The following ZSCAN25 variants were observed in gnomAD, a reference collection of about 807,000 sequenced individuals.
The protein encoded by ZSCAN25 is zinc finger and SCAN domain-containing protein 25.
ZSCAN25 carries 27 observed loss-of-function variants against 38.7 expected under a neutral mutation model. The observed-to-expected ratio is 0.70, with a 90% CI of 0.51 to 0.96. The LOEUF (loss-of-function observed/expected upper bound fraction) is 0.96, where lower values mean the gene tolerates loss of function less well. Among genes scored for constraint, ZSCAN25 ranks in the 40% least tolerant of loss-of-function variants. The pLI is 0.00. For synonymous variants in ZSCAN25, 273 were observed against 277.7 expected (o/e 0.98, Z 0.17); for missense variants, 637 against 705.9 (o/e 0.90, Z 1.11).
the ZSCAN25 span, among the ~76,000 whole-genome samples, chr7:99,684,685 G>A: frequency 6.6e-6 from 1 of 152,164 alleles, no homozygotes; most frequent in South Asian, 2.1e-4. Flanking sequence ...TGATACTTTT[G>A]TAAGAGGTTT....
Position 99,619,896 on chromosome 7 carries a change from A to G in ZSCAN25, c.290A>G (p.Glu97Gly). Residue 97 changes from glutamate to glycine, a missense_variant, in exon 4 of 8, where the codon GAG becomes GGG. Transcript: ENST00000394152. Reference sequence around the variant, plus strand: ...CAGTTCCTCACTATCCTGCCCCGCGAGTTCTACGCCTGGATCCGGGAGCAT... The same window carrying G: ...CAGTTCCTCACTATCCTGCCCCGCGGGTTCTACGCCTGGATCCGGGAGCAT... ...LEQFLTILPR[E>G]FYAWIREHGP... 1 of 1,614,228 alleles carries G rather than the reference A, an allele frequency of 6.2e-7. No individual in the cohort carries two copies. The highest frequency in any genetic ancestry group is 8.5e-7 in the Non-Finnish European group (1 of 1,180,052).
Position 99,632,374 on chromosome 7 carries a change from C to A in ZSCAN25, c.*2354C>A. The A allele has an allele frequency of 1.8e-6, 1 of 548,124 alleles. No homozygotes were observed. Among genetic ancestry groups the A allele is most frequent in the Non-Finnish European group, 2.3e-6 (1 of 430,850 alleles). 34.0% of individuals were successfully genotyped at this position (548,124 alleles called of 1,614,324 possible). ...TATAAATAAATCCTTATGTATTTAT[C>A]ATTTGACTTTATTATAAACTCATAA... is the stretch of plus-strand genomic sequence containing the variant. On this transcript the variant is annotated 3_prime_UTR_variant, in exon 8 of 8. Coordinates refer to ENST00000394152, the MANE Select transcript of ZSCAN25 (RefSeq NM_145115.3).
the ZSCAN25 span, chr7:99,705,615 A>G: frequency 5.6e-6 from 9 of 1,612,048 alleles, no homozygotes; most frequent in Non-Finnish European, 7.6e-6. Context: ...TTAAACGAGC[A>G]TATTGAGAAG....
chr7:99,668,492 T>C, the ZSCAN25 span, among the ~76,000 whole-genome samples: 1 of 152,240 alleles, frequency 6.6e-6, no homozygotes, highest in Non-Finnish European at 1.5e-5. Context: ...GCAATTTTTT[T>C]TGTAATTTTG....
chr7:99,718,535 C>A, the ZSCAN25 span, among the ~76,000 whole-genome samples: 88 of 152,188 alleles, frequency 5.8e-4, no homozygotes, highest in African/African-American at 2.0e-3. Flanking sequence ...GAGAAAATTC[C>A]TCCATTTGAT....
At chr7:99,679,753 G>C in the ZSCAN25 span, 2 of 1,430,240 alleles carry the variant, frequency 1.4e-6, no homozygotes, top group East Asian at 2.3e-5. Context: ...CTTCAAAACA[G>C]ATAAGGGAAA....
At position 99,624,504 on chromosome 7, in the gene ZSCAN25, A is replaced by G. The variant is rs1168109442; in HGVS notation, c.805+324A>G. 3 of 316,840 alleles carry G rather than the reference A, an allele frequency of 9.5e-6. 1 individual carries two copies. The highest frequency in any genetic ancestry group is 2.1e-5 in the African/African-American group (1 of 48,080). The allele number at this position is 316,840 out of a possible 1,614,324, so 19.6% of individuals were successfully genotyped here. A position where few individuals can be genotyped will look rare whatever the true frequency, so the allele number is the denominator to read the frequency against. ...AGATACGAACAGCAAAAGATGGGGC[A>G]TCTGAGCTTGTTCAGATATTTATTG... On this transcript the variant is annotated intron_variant, in intron 7 of 7. Coordinates refer to ENST00000394152, the MANE Select transcript of ZSCAN25 (RefSeq NM_145115.3).
intron 7 of ZSCAN25, among the ~76,000 whole-genome samples, chr7:99,626,808 A>C (rs367673821): frequency 6.6e-6 from 1 of 152,162 alleles, no homozygotes; most frequent in Non-Finnish European, 1.5e-5. Flanking sequence ...TGAGTGTACA[A>C]TCCATTTTGA....
At chr7:99,735,011 A>G in the ZSCAN25 span, 3 of 1,614,058 alleles carry the variant, frequency 1.9e-6, no homozygotes, top group Non-Finnish European at 2.5e-6. Context: ...AGGAGCCTGA[A>G]CAGTTACTCA....
At chr7:99,640,431 T>G in the ZSCAN25 span, among the ~76,000 whole-genome samples, 2 of 152,234 alleles carry the variant, frequency 1.3e-5, no homozygotes, top group South Asian at 4.1e-4. Context: ...GTGCTGGGAT[T>G]ACAGGCGTGA....
chr7:99,672,690 A>G, the ZSCAN25 span: 8 of 1,613,660 alleles, frequency 5.0e-6, no homozygotes, highest in Non-Finnish European at 6.8e-6. Context: ...CTGTGTGGGG[A>G]CAACGGAGCT....
At chr7:99,716,780 G>A in the ZSCAN25 span, among the ~76,000 whole-genome samples, 2 of 152,088 alleles carry the variant, frequency 1.3e-5, no homozygotes, top group African/African-American at 4.8e-5. Context: ...GTTATTCTAA[G>A]TTCTCCATTA....
intron 4 of ZSCAN25, chr7:99,620,558 T>C (rs947550099): frequency 6.5e-6 from 1 of 153,698 alleles, no homozygotes; most frequent in Admixed American, 6.5e-5. Context: ...AGAGCAGGAC[T>C]GATGACACCG....
the ZSCAN25 span, among the ~76,000 whole-genome samples, chr7:99,658,074 C>T: frequency 3.9e-5 from 6 of 152,032 alleles, no homozygotes; most frequent in South Asian, 1.0e-3. Flanking sequence ...GCATTTAGCC[C>T]GTTTACATTT....
At chr7:99,660,672 G>A in the ZSCAN25 span, 1 of 1,613,272 alleles carries the variant, frequency 6.2e-7, no homozygotes, top group African/African-American at 1.3e-5. Context: ...GAAAGGAGAG[G>A]AAAGACATTT....
chr7:99,725,002 C>T, the ZSCAN25 span, among the ~76,000 whole-genome samples: 2 of 152,166 alleles, frequency 1.3e-5, no homozygotes, highest in Admixed American at 6.6e-5. Flanking sequence ...TTCAAGAAGG[C>T]ATCAGGGCAG....
Position 99,629,365 on chromosome 7 carries a change from C to G in ZSCAN25, c.980C>G (p.Pro327Arg). 1.2e-6 allele frequency: 2 copies of G among 1,614,182 alleles called. No homozygotes were observed. The highest frequency in any genetic ancestry group is 1.1e-5 in the South Asian group (1 of 91,086). ...GGCAGTGCGCCTGGGCTTCCTCCTCCCCAGCACGGTGCCATCCCCCTGCCT... is the reference window on the plus strand; with the variant it reads ...GGCAGTGCGCCTGGGCTTCCTCCTCGCCAGCACGGTGCCATCCCCCTGCCT... Reference protein sequence around the residue: ...PAGSAPGLPPPQHGAIPLPDE... With the variant: ...PAGSAPGLPPRQHGAIPLPDE... Residue 327 changes from proline to arginine, a missense_variant, in exon 8 of 8, where the codon CCC becomes CGC. Coordinates refer to ENST00000394152, the MANE Select transcript of ZSCAN25 (RefSeq NM_145115.3). The surrounding 1 kb of genome is among the most constrained non-coding windows in gnomAD (Gnocchi z 5.6).
chr7:99,691,295 G>A, the ZSCAN25 span, among the ~76,000 whole-genome samples: 1 of 152,030 alleles, frequency 6.6e-6, no homozygotes, highest in Non-Finnish European at 1.5e-5. Context: ...GACTGTTGTG[G>A]GGTAGGGGGA....
the ZSCAN25 span, among the ~76,000 whole-genome samples, chr7:99,700,254 A>G: frequency 1.3e-5 from 2 of 152,184 alleles, no homozygotes; most frequent in Admixed American, 6.5e-5. Context: ...TTCATATTCT[A>G]TGGGGAATCA....
Sources: gnomAD v4.1 joint callset for allele counts (sites outside exome capture counted in the v4.1 genomes callset) on GRCh38, gnomAD v4.1.1 for gene constraint, Gnocchi (gnomAD v3.1) non-coding constraint, MANE v1.5 for transcripts, NCBI Gene and HGNC (gene_info 2026-07-23, HGNC 2026-07-21) for gene names.